The following CNTN4 variants were observed in gnomAD, a reference collection of about 807,000 sequenced individuals.
CNTN4 encodes the protein contactin-4.
A neutral mutation model predicts 122.5 loss-of-function variants in CNTN4; 77 were observed. The ratio of observed to expected loss-of-function variants is 0.63; its 90% CI spans 0.52 to 0.76. The LOEUF (loss-of-function observed/expected upper bound fraction) is 0.76. Among genes scored for constraint, CNTN4 ranks in the 30% least tolerant of loss-of-function variants. The probability of loss-of-function intolerance (pLI) is 0.00; values close to 1 mark genes in which losing one functional copy is unlikely to be tolerated. For missense variants in CNTN4, 1,256 were observed against 1,259.1 expected (o/e 1.00, Z 0.04); for synonymous variants, 512 against 447.0 (o/e 1.15, Z -1.83).
At chr3:2,819,438 C>A (rs374294005) in intron 6 of CNTN4, 48 bp from the exon 7 acceptor site, 1 of 1,413,654 alleles carries the variant, frequency 7.1e-7, no homozygotes, top group East Asian at 2.3e-5. Context: ...CCCTTGATAT[C>A]TTAGGACTTT....
intron 2 of CNTN4, among the ~76,000 whole-genome samples, chr3:2,138,840 A>G (rs1046368505): frequency 6.6e-6 from 1 of 152,098 alleles, no homozygotes; most frequent in African/African-American, 2.4e-5. Flanking sequence ...AATTCTTTGT[A>G]ATAAATTTTC....
intron 3 of CNTN4, among the ~76,000 whole-genome samples, chr3:2,364,279 C>T (rs4234547): frequency 2.0e-5 from 3 of 151,860 alleles, no homozygotes; most frequent in African/African-American, 7.3e-5. Flanking sequence ...GTTGTTGTCT[C>T]GATATTTATA....
intron 6 of CNTN4, among the ~76,000 whole-genome samples, chr3:2,763,842 T>C (rs2149711143): frequency 6.6e-6 from 1 of 152,174 alleles, no homozygotes; most frequent in East Asian, 1.9e-4. Flanking sequence ...TTGGTCTGTG[T>C]GTCTGTTTTT....
intron 8 of CNTN4, among the ~76,000 whole-genome samples, chr3:2,881,348 A>T (rs536465087): frequency 6.6e-6 from 1 of 152,110 alleles, no homozygotes; most frequent in African/African-American, 2.4e-5. Flanking sequence ...CCTCATCGCT[A>T]CTAAAAATAC....
chr3:2,993,407 C>T (rs1695228444), intron 14 of CNTN4, among the ~76,000 whole-genome samples: 1 of 151,442 alleles, frequency 6.6e-6, no homozygotes, highest in Admixed American at 6.6e-5. Context: ...AAGCGATTCT[C>T]CTGCCTCAGT....
intron 2 of CNTN4, among the ~76,000 whole-genome samples, chr3:2,245,795 T>C (rs2149645951): frequency 6.6e-6 from 1 of 152,194 alleles, no homozygotes; most frequent in Admixed American, 6.5e-5. Context: ...TTCAGCTACC[T>C]GTAACTATGT....
intron 4 of CNTN4, among the ~76,000 whole-genome samples, chr3:2,724,556 G>A (rs771067392): frequency 9.2e-5 from 14 of 152,072 alleles, no homozygotes; most frequent in African/African-American, 2.4e-4. Flanking sequence ...ATATATTGAC[G>A]CATTCACTAT....
chr3:2,537,908 CAAGTCTCTTTACAT>C (rs2077873404), intron 3 of CNTN4, among the ~76,000 whole-genome samples: 1 of 152,044 alleles, frequency 6.6e-6, no homozygotes, highest in African/African-American at 2.4e-5. Context: ...TCCTTCCCGT[CAAGTCTCTTTACAT>C]AAGTAAATTG....
intron 2 of CNTN4, among the ~76,000 whole-genome samples, chr3:2,338,494 T>C (rs1303819744): frequency 2.0e-5 from 3 of 151,976 alleles, no homozygotes; most frequent in African/African-American, 7.2e-5. Flanking sequence ...AAGACAGTTA[T>C]TTTACAAAGA....
chr3:3,020,129 A>T (rs1698157080), intron 14 of CNTN4, among the ~76,000 whole-genome samples: 1 of 152,118 alleles, frequency 6.6e-6, no homozygotes, highest in Non-Finnish European at 1.5e-5. Flanking sequence ...GTCTGGATAA[A>T]TAATAAGAAA....
At chr3:2,623,066 A>G (rs1189057246) in intron 4 of CNTN4, among the ~76,000 whole-genome samples, 1 of 152,188 alleles carries the variant, frequency 6.6e-6, no homozygotes, top group East Asian at 1.9e-4. Flanking sequence ...GTGGGGGCAT[A>G]TTTACTCTCA....
At chr3:2,474,361 T>C (rs1050023636) in intron 3 of CNTN4, among the ~76,000 whole-genome samples, 1 of 152,214 alleles carries the variant, frequency 6.6e-6, no homozygotes, top group Admixed American at 6.5e-5. Flanking sequence ...GATTAATTAG[T>C]GAATTACTTA....
chr3:2,634,721 T>A (rs1029449140), intron 4 of CNTN4, among the ~76,000 whole-genome samples: 1 of 150,088 alleles, frequency 6.7e-6, no homozygotes, highest in Non-Finnish European at 1.5e-5. Context: ...CTGGGCGTGG[T>A]GGCATGCACC....
chr3:2,717,489 C>G (rs1244439674), intron 4 of CNTN4, among the ~76,000 whole-genome samples: 2 of 152,204 alleles, frequency 1.3e-5, no homozygotes, highest in Admixed American at 1.3e-4. Context: ...AATCTTGCCT[C>G]TGATTTCCTC....
At chr3:2,853,000 G>A (rs77534186) in intron 7 of CNTN4, among the ~76,000 whole-genome samples, 31 of 152,274 alleles carry the variant, frequency 2.0e-4, no homozygotes, top group Non-Finnish European at 4.1e-4. Context: ...ACTATTTTAA[G>A]TGGTACCAGA....
intron 5 of CNTN4, among the ~76,000 whole-genome samples, chr3:2,744,859 A>G (rs2089667269): frequency 6.6e-6 from 1 of 152,216 alleles, no homozygotes. Context: ...ACAGAAGGAC[A>G]AAAAACAAAA....
At chr3:2,429,177 G>A (rs192028570) in intron 3 of CNTN4, among the ~76,000 whole-genome samples, 1 of 152,110 alleles carries the variant, frequency 6.6e-6, no homozygotes, top group African/African-American at 2.4e-5. Flanking sequence ...AGAATTTTCA[G>A]GTTTTCTGCT....
intron 7 of CNTN4, among the ~76,000 whole-genome samples, chr3:2,843,234 G>C (rs977736383): frequency 6.6e-6 from 1 of 152,102 alleles, no homozygotes; most frequent in African/African-American, 2.4e-5. Context: ...ACTGAAATTT[G>C]GGTGATAGTC....
intron 13 of CNTN4, among the ~76,000 whole-genome samples, chr3:2,981,058 C>T (rs777032886): frequency 6.6e-5 from 10 of 152,132 alleles, no homozygotes; most frequent in Admixed American, 1.3e-4. Flanking sequence ...CACCCATGCA[C>T]GCTTCCAGCT....
Sources: gnomAD v4.1 joint callset for allele counts (sites outside exome capture counted in the v4.1 genomes callset) on GRCh38, gnomAD v4.1.1 for gene constraint, MANE v1.5 for transcripts, NCBI Gene and HGNC (gene_info 2026-07-23, HGNC 2026-07-21) for gene names.